The following XKR4 variants were observed in gnomAD, a reference collection of about 807,000 sequenced individuals.
The protein encoded by XKR4 is XK related 4.
XKR4 carries 12 observed loss-of-function variants against 53.9 expected under a neutral mutation model. That is an observed-to-expected ratio of 0.22 (90% CI 0.14 to 0.36). The LOEUF (loss-of-function observed/expected upper bound fraction) is 0.36. Among genes scored for constraint, XKR4 ranks in the 10% least tolerant of loss-of-function variants. The probability of loss-of-function intolerance (pLI) is 1.00; values close to 1 mark genes in which losing one functional copy is unlikely to be tolerated. For missense variants in XKR4, 799 were observed against 859.5 expected (o/e 0.93, Z 0.88); for synonymous variants, 354 against 362.4 (o/e 0.98, Z 0.26).
At chr8:55,475,399 TG>T (rs1805965485) in intron 2 of XKR4, among the ~76,000 whole-genome samples, 1 of 151,464 alleles carries the variant, frequency 6.6e-6, no homozygotes, top group Non-Finnish European at 1.5e-5. Context: ...TTGTTGTTGT[TG>T]TTGTTGTTGT....
intron 2 of XKR4, among the ~76,000 whole-genome samples, chr8:55,443,572 A>G (rs1185467991): frequency 1.4e-5 from 2 of 145,730 alleles, no homozygotes; most frequent in African/African-American, 5.0e-5. Flanking sequence ...GGAGGGGAGC[A>G]GTGGCTCACA....
At chr8:55,455,928 C>G (rs966508404) in intron 2 of XKR4, among the ~76,000 whole-genome samples, 1 of 152,162 alleles carries the variant, frequency 6.6e-6, no homozygotes, top group African/African-American at 2.4e-5. Flanking sequence ...ACCTCAATAG[C>G]TACATGTCAT....
At chr8:55,353,932 ATT>A (rs1803762493) in intron 1 of XKR4, among the ~76,000 whole-genome samples, 1 of 152,240 alleles carries the variant, frequency 6.6e-6, no homozygotes, top group Non-Finnish European at 1.5e-5. Context: ...CAAGGGAATG[ATT>A]AAAGCCATTT....
chr8:55,124,541 T>C (rs1816435700), intron 1 of XKR4, among the ~76,000 whole-genome samples: 1 of 152,320 alleles, frequency 6.6e-6, no homozygotes, highest in East Asian at 1.9e-4. Context: ...ATCTTTTCCA[T>C]TAACTTTTAA....
intron 1 of XKR4, among the ~76,000 whole-genome samples, chr8:55,150,432 C>T (rs946391245): frequency 5.3e-5 from 8 of 152,096 alleles, no homozygotes; most frequent in South Asian, 2.1e-4. Flanking sequence ...TTCCAGACTA[C>T]GTAGATAAAA....
At chr8:55,518,639 C>T (rs1806753031) in intron 2 of XKR4, among the ~76,000 whole-genome samples, 1 of 152,146 alleles carries the variant, frequency 6.6e-6, no homozygotes, top group Admixed American at 6.5e-5. Flanking sequence ...GGTATTTCAT[C>T]GTAGGCCCGT....
intron 2 of XKR4, among the ~76,000 whole-genome samples, chr8:55,435,392 C>T (rs1805159327): frequency 6.6e-6 from 1 of 151,824 alleles, no homozygotes; most frequent in Non-Finnish European, 1.5e-5. Flanking sequence ...ATCTCTCAGA[C>T]CCTGTGAGTA....
rs1807032973 is a variant in XKR4 at position 55,536,404 on chromosome 8, G to A, written c.*12177G>A. 6.6e-6 allele frequency: 1 copy of A among 152,170 alleles called. No individual in the cohort carries two copies. The highest frequency in any genetic ancestry group is 1.5e-5 in the Non-Finnish European group (1 of 68,036). 9.4% of individuals were successfully genotyped at this position (152,170 alleles called of 1,614,324 possible). On this transcript the variant is annotated 3_prime_UTR_variant, in exon 3 of 3. Transcript: ENST00000327381. ...GCGGAACCATCGTCACTAAACCAAA[G>A]TAGACAAGGAGTTATTAAAAAATAA...
intron 2 of XKR4, among the ~76,000 whole-genome samples, chr8:55,367,775 T>G (rs1160037140): frequency 1.3e-5 from 2 of 152,066 alleles, no homozygotes; most frequent in African/African-American, 4.8e-5. Flanking sequence ...CATCAGCAAG[T>G]CCTGTGTGCT....
At chr8:55,321,039 T>G (rs1158536891) in intron 1 of XKR4, among the ~76,000 whole-genome samples, 1 of 152,036 alleles carries the variant, frequency 6.6e-6, no homozygotes, top group African/African-American at 2.4e-5. Flanking sequence ...CACACCTGCA[T>G]CTTATCTCTG....
rs1335453816 is a variant in XKR4, at chr8:55,541,228, A to G, written c.*17001A>G. 2 of 152,234 alleles carry G rather than the reference A, an allele frequency of 1.3e-5. No individual in the cohort carries two copies. The highest frequency in any genetic ancestry group is 4.8e-5 in the African/African-American group (2 of 41,476). The allele number at this position is 152,234 out of a possible 1,614,324, so 9.4% of individuals were successfully genotyped here. On this transcript the variant is annotated 3_prime_UTR_variant, in exon 3 of 3. Transcript: ENST00000327381. Reference sequence around the variant, plus strand: ...TGCAAAGCAATTTTCAAAAATTTGTACATGATATACACCACCCAACCTCAG... The same window carrying G: ...TGCAAAGCAATTTTCAAAAATTTGTGCATGATATACACCACCCAACCTCAG...
chr8:55,335,477 T>C (rs73589704), intron 1 of XKR4, among the ~76,000 whole-genome samples: 8,435 of 152,190 alleles, frequency 0.055, 756 homozygotes, highest in African/African-American at 0.19. Flanking sequence ...AAAAAATGCA[T>C]GCCAATAGAA....
At chr8:55,342,921 G>A (rs1490675838) in intron 1 of XKR4, among the ~76,000 whole-genome samples, 1 of 152,160 alleles carries the variant, frequency 6.6e-6, no homozygotes, top group Non-Finnish European at 1.5e-5. Context: ...CCCTCGAGAG[G>A]AGTGTTGATC....
intron 1 of XKR4, among the ~76,000 whole-genome samples, chr8:55,307,789 C>T (rs964965129): frequency 1.3e-5 from 2 of 152,160 alleles, no homozygotes; most frequent in Admixed American, 1.3e-4. Context: ...AAATTAAGAA[C>T]AGTGACAGCA....
At chr8:55,496,350 T>C (rs1382204353) in intron 2 of XKR4, among the ~76,000 whole-genome samples, 1 of 152,058 alleles carries the variant, frequency 6.6e-6, no homozygotes, top group Non-Finnish European at 1.5e-5. Context: ...TAAATAGCAG[T>C]CTAAAAGAAA....
chr8:55,437,290 C>G (rs1460175992), intron 2 of XKR4, among the ~76,000 whole-genome samples: 1 of 152,116 alleles, frequency 6.6e-6, no homozygotes, highest in African/African-American at 2.4e-5. Context: ...TCCTTGGCCT[C>G]AAAATGCTGG....
chr8:55,316,565 A>T (rs1819477951), intron 1 of XKR4, among the ~76,000 whole-genome samples: 1 of 152,190 alleles, frequency 6.6e-6, no homozygotes, highest in Non-Finnish European at 1.5e-5. Flanking sequence ...GTTTAGAAAG[A>T]TGGTTTACAG....
rs767844871 is a variant in XKR4, at chr8:55,523,953, A to C, written c.1679A>C (p.Asp560Ala). ...SNNRSVVSDR[D>A]QKFAERDGCV... ...AACCGCAGTGTTGTCAGCGACCGCG[A>C]TCAGAAATTCGCAGAGCGGGATGGG... is the stretch of plus-strand genomic sequence containing the variant. The change falls in exon 3 of 3, where the codon GAT (aspartate) becomes GCT (alanine). Residue 560 changes from aspartate (D) to alanine (A), a missense_variant. Coordinates refer to ENST00000327381, the MANE Select transcript of XKR4 (RefSeq NM_052898.2). The C allele has an allele frequency of 1.2e-6, 2 of 1,614,150 alleles. No homozygotes were observed. The highest frequency in any genetic ancestry group is 1.7e-6 in the Non-Finnish European group (2 of 1,180,016).
intron 1 of XKR4, among the ~76,000 whole-genome samples, chr8:55,295,607 T>C (rs1457266814): frequency 3.3e-5 from 5 of 152,206 alleles, no homozygotes; most frequent in African/African-American, 1.2e-4. Flanking sequence ...ATAAAAGTTG[T>C]ATGTGTGTAA....
Sources: gnomAD v4.1 joint callset for allele counts (sites outside exome capture counted in the v4.1 genomes callset) on GRCh38, gnomAD v4.1.1 for gene constraint, MANE v1.5 for transcripts, NCBI Gene and HGNC (gene_info 2026-07-23, HGNC 2026-07-21) for gene names.